The following KIFC3 variants were observed in gnomAD, a reference collection of about 807,000 sequenced individuals.
The protein encoded by KIFC3 is kinesin-like protein KIFC3.
In KIFC3, 60 loss-of-function variants were observed where a neutral mutation model predicts 101.8. The ratio of observed to expected loss-of-function variants is 0.59; its 90% CI spans 0.48 to 0.73. The LOEUF (loss-of-function observed/expected upper bound fraction) is 0.73, where lower values mean the gene tolerates loss of function less well. KIFC3 is among the 30% of genes least tolerant of loss of function. The pLI is 0.00. For missense variants in KIFC3, 966 were observed against 1,137.1 expected, an observed-to-expected ratio of 0.85 and a Z score of 2.16; for synonymous variants, 476 against 482.7, an observed-to-expected ratio of 0.99 and a Z score of 0.18.
Position 57,759,793 on chromosome 16 carries a change from T to A in KIFC3, c.2411A>T (p.His804Leu). 1.9e-6 allele frequency: 3 copies of A among 1,610,810 alleles called. No homozygotes were observed. Among genetic ancestry groups the A allele is most frequent in the Non-Finnish European group, 2.5e-6 (3 of 1,178,798 alleles). The change falls in exon 18 of 20, where the codon CAC (histidine) becomes CTC (leucine). Residue 804 changes from histidine to leucine, a missense_variant. Transcript: ENST00000445690. ...CQTPQPSARA[H>L]SAPSSGTSSR... is the part of the protein sequence containing the mutation. The stretch of plus-strand genomic sequence containing the variant: ...ACTGGTCCCAGAGCTGGGGGCTGAG[T>A]GGGCCCGTGCCGAGGGCTGTGGCGT...
rs782524984 is a variant in KIFC3 at position 57,760,798 on chromosome 16, G to C, written c.2160C>G (p.Phe720Leu). Residue 720 changes from phenylalanine to leucine, a missense_variant, in exon 16 of 20, where the codon TTC (phenylalanine) becomes TTG (leucine). This residue lies in a region of KIFC3 where 689 missense variants were observed against 884.6 expected (regional missense o/e 0.78). Transcript: ENST00000445690. ...GCAGGTAGGTGAGCTTGGAGTTGCG[G>C]AAGGGCACGTGGCCCTGGCGGGAGC... ...ALRSRQGHVP[F>L]RNSKLTYLLQ... 6.2e-7 allele frequency: 1 copy of C among 1,613,824 alleles called. No individual in the cohort carries two copies. The highest frequency in any genetic ancestry group is 1.1e-5 in the South Asian group (1 of 91,090).
chr16:57,853,545 G>C (rs1308130170), intron 1 of KIFC3, among the ~76,000 whole-genome samples: 1 of 152,116 alleles, frequency 6.6e-6, no homozygotes, highest in Non-Finnish European at 1.5e-5. Context: ...ACCCAAATTC[G>C]AGCATATTAA....
chr16:57,793,532 G>T (rs2054053274), intron 3 of KIFC3, among the ~76,000 whole-genome samples: 1 of 150,964 alleles, frequency 6.6e-6, no homozygotes, highest in Non-Finnish European at 1.5e-5. Context: ...GGCGGAGGCT[G>T]CAGTGAGCTG....
At chr16:57,839,924 C>CCACT (rs1474771501) in intron 1 of KIFC3, among the ~76,000 whole-genome samples, 1 of 152,114 alleles carries the variant, frequency 6.6e-6, no homozygotes, top group Non-Finnish European at 1.5e-5. Flanking sequence ...ATTAACAACT[C>CCACT]CACTCTCCGC....
intron 16 of KIFC3, 65 bp from the exon 17 acceptor site, chr16:57,760,481 G>T: frequency 1.3e-6 from 2 of 1,573,720 alleles, no homozygotes; most frequent in South Asian, 2.3e-5. Flanking sequence ...TCACGAGAGG[G>T]AGCTCACAGC....
At chr16:57,773,491 A>G (rs1555610077) in intron 3 of KIFC3, among the ~76,000 whole-genome samples, 1 of 152,192 alleles carries the variant, frequency 6.6e-6, no homozygotes, top group African/African-American at 2.4e-5. Context: ...CATCTCTACA[A>G]AAAGTTTCAA....
At chr16:57,784,119 T>C (rs1555616342) in intron 3 of KIFC3, among the ~76,000 whole-genome samples, 1 of 152,152 alleles carries the variant, frequency 6.6e-6, no homozygotes. Context: ...ATGTCCGTTT[T>C]CCCCCAGGCA....
rs782311823 is a variant in KIFC3 at position 57,764,193 on chromosome 16, A to C, written c.1567T>G (p.Cys523Gly). 2.5e-6 allele frequency: 4 copies of C among 1,609,704 alleles called. No individual in the cohort carries two copies. Among genetic ancestry groups the C allele is most frequent in the Non-Finnish European group, 3.4e-6 (4 of 1,177,966 alleles). The change falls in exon 12 of 20, where the codon TGC becomes GGC. Residue 523 changes from cysteine to glycine, a missense_variant. Transcript: ENST00000445690. Reference sequence around the variant, plus strand: ...CCCGTCTGGCCGTACGCAAAGATGCAGACATTGAAGCCATCAATGCAAGAG... The same window carrying C: ...CCCGTCTGGCCGTACGCAAAGATGCCGACATTGAAGCCATCAATGCAAGAG... The part of the protein sequence containing the change: ...VTSCIDGFNV[C>G]IFAYGQTGAG...
chr16:57,837,190 C>T (rs1555480507), intron 1 of KIFC3, among the ~76,000 whole-genome samples: 1 of 151,966 alleles, frequency 6.6e-6, no homozygotes, highest in East Asian at 1.9e-4. Flanking sequence ...AGCAGCAGGG[C>T]CAGGTGGTGG....
chr16:57,835,587 A>T (rs1421949397), intron 1 of KIFC3, among the ~76,000 whole-genome samples: 1 of 152,224 alleles, frequency 6.6e-6, no homozygotes, highest in African/African-American at 2.4e-5. Context: ...TGTTTCATAG[A>T]CTAGGAACAG....
intron 3 of KIFC3, among the ~76,000 whole-genome samples, chr16:57,784,393 G>A (rs1228998295): frequency 6.6e-6 from 1 of 152,250 alleles, no homozygotes; most frequent in Non-Finnish European, 1.5e-5. Flanking sequence ...CAAGGGGCAG[G>A]TGGGCAGGCC....
intron 7 of KIFC3, 61 bp downstream of exon 7, chr16:57,770,466 T>C: frequency 7.5e-7 from 1 of 1,328,052 alleles, no homozygotes; most frequent in South Asian, 1.9e-5. Context: ...ACCGATGCAT[T>C]GGCCCAAGGG....
chr16:57,770,673 A>C lies in KIFC3; in HGVS notation c.793T>G (p.Ser265Ala). 1 of 1,535,252 alleles carries C rather than the reference A, an allele frequency of 6.5e-7. No individual in the cohort carries two copies. The highest frequency in any genetic ancestry group is 8.8e-7 in the Non-Finnish European group (1 of 1,140,050). ...KYVIKTVEVE[S>A]SKTKQALSES... is the part of the protein sequence containing the mutation. Reference sequence around the variant, plus strand: ...CTGAGGGCCTGCTTGGTCTTGGACGACTCCACCTCCACTGTCTTGATGACA... The same window carrying C: ...CTGAGGGCCTGCTTGGTCTTGGACGCCTCCACCTCCACTGTCTTGATGACA... The change falls in exon 7 of 20, where the codon TCG becomes GCG. Residue 265 changes from serine (S) to alanine (A), a missense_variant. Transcript: ENST00000445690.
chr16:57,828,447 A>C (rs1205349591), intron 1 of KIFC3, among the ~76,000 whole-genome samples: 1 of 152,226 alleles, frequency 6.6e-6, no homozygotes, highest in Non-Finnish European at 1.5e-5. Context: ...AGTGGCAAAA[A>C]GGCCAAGAAG....
At chr16:57,764,294 G>T in intron 11 of KIFC3, 47 bp from the exon 12 acceptor site, 2 of 1,190,696 alleles carry the variant, frequency 1.7e-6, no homozygotes, top group Non-Finnish European at 1.2e-6. Flanking sequence ...TTCCAGGGCC[G>T]CTGGGACCAC....
At chr16:57,772,468 G>A in intron 3 of KIFC3, 180 bp from the exon 4 acceptor site, 1 of 549,638 alleles carries the variant, frequency 1.8e-6, no homozygotes, top group Non-Finnish European at 3.3e-6. Flanking sequence ...AGAGAAACCT[G>A]GGCTGGTGCT....
chr16:57,834,924 A>G (rs1180648185), intron 1 of KIFC3, among the ~76,000 whole-genome samples: 4 of 152,224 alleles, frequency 2.6e-5, no homozygotes, highest in Non-Finnish European at 4.4e-5. Flanking sequence ...CTTTGTCATC[A>G]CTGCTGCCAA....
intron 1 of KIFC3, among the ~76,000 whole-genome samples, chr16:57,819,064 G>A (rs1299419922): frequency 6.6e-6 from 1 of 152,146 alleles, no homozygotes; most frequent in Non-Finnish European, 1.5e-5. Context: ...AGCCAAGAAG[G>A]GACGAGATAC....
chr16:57,802,621 G>A (rs1441116486), upstream of KIFC3: 23 of 1,014,128 alleles, frequency 2.3e-5, no homozygotes, highest in Middle Eastern at 1.4e-3. The surrounding 1 kb of genome is among the most constrained non-coding windows in gnomAD (Gnocchi z 5.0). Context: ...GCGTCAGCCC[G>A]GGCGCGCCCC....
Sources: gnomAD v4.1 joint callset for allele counts (sites outside exome capture counted in the v4.1 genomes callset) on GRCh38, gnomAD v4.1.1 for gene constraint, gnomAD v4.1.1 regional missense constraint, Gnocchi (gnomAD v3.1) non-coding constraint, MANE v1.5 for transcripts, NCBI Gene and HGNC (gene_info 2026-07-23, HGNC 2026-07-21) for gene names.